Variants in PRADC1 observed in about 807,000 individuals in gnomAD.
The protein encoded by PRADC1 is protease associated domain containing 1, also known as protease-associated domain-containing protein 1.
In PRADC1, 23 loss-of-function variants were observed where a neutral mutation model predicts 22.9. The observed-to-expected ratio is 1.00, with a 90% CI of 0.72 to 1.42. The LOEUF (loss-of-function observed/expected upper bound fraction) is 1.42, where lower values mean the gene tolerates loss of function less well. PRADC1 is among the 40% of genes most tolerant of loss of function. The pLI is 0.00. For synonymous variants in PRADC1, 71 were observed against 100.3 expected, an observed-to-expected ratio of 0.71 and a Z score of 1.75; for missense variants, 207 against 258.3, an observed-to-expected ratio of 0.80 and a Z score of 1.36.
chr2:73,229,603 G>C, intron 2 of PRADC1, 33 bp from the exon 3 acceptor site: 1 of 1,533,402 alleles, frequency 6.5e-7, no homozygotes, highest in Non-Finnish European at 9.0e-7. Context: ...ACAGGTGAGA[G>C]TGTAATGAGA....
chr2:73,230,005 T>G, intron 2 of PRADC1, 108 bp downstream of exon 2: 2 of 770,640 alleles, frequency 2.6e-6, no homozygotes, highest in Non-Finnish European at 4.5e-6. Flanking sequence ...GAGCTGATTC[T>G]GCTCCCTTCC....
rs1431670117 is a variant in PRADC1 at position 73,228,463 on chromosome 2, G to A, written c.558C>T (p.Thr186=). 1 of 1,614,110 alleles carries A rather than the reference G, an allele frequency of 6.2e-7. No homozygotes were observed. Among genetic ancestry groups the A allele is most frequent in the Non-Finnish European group, 8.5e-7 (1 of 1,180,020 alleles). The change falls in exon 5 of 5, where the codon ACC becomes ACT. Residue 186 remains threonine (T), a synonymous_variant. Transcript: ENST00000258083. The surrounding 1 kb of genome is among the most constrained non-coding windows in gnomAD (Gnocchi z 4.0). ...PTFELLQPPW[T]FW ...TGTGGGACAAACTCTTCTACCAGAA[G>A]GTCCAGGGCGGTTGCAGCAGCTCAA... is the stretch of plus-strand genomic sequence containing the variant.
At chr2:73,233,013 C>A (rs900364460) in intron 1 of PRADC1, 81 bp downstream of exon 1, 2 of 1,478,236 alleles carry the variant, frequency 1.4e-6, no homozygotes, top group East Asian at 5.4e-5. Context: ...CCCAAGGTGA[C>A]CCTTGGCCCC....
intron 1 of PRADC1, 65 bp downstream of exon 1, chr2:73,233,029 C>T: frequency 1.5e-5 from 23 of 1,512,702 alleles, no homozygotes; most frequent in Non-Finnish European, 1.9e-5. Flanking sequence ...GCCCCCAACC[C>T]GAGACGCGCG....
chr2:73,228,567 T>A lies in PRADC1; in HGVS notation c.454A>T (p.Ile152Phe). The change falls in exon 5 of 5, where the codon ATC (isoleucine) becomes TTC (phenylalanine). Residue 152 changes from isoleucine to phenylalanine, a missense_variant. Ile to Phe is a conservative substitution (Grantham distance 21). Coordinates refer to ENST00000258083, the MANE Select transcript of PRADC1 (RefSeq NM_032319.3). The surrounding 1 kb of genome is among the most constrained non-coding windows in gnomAD (Gnocchi z 4.0). ...LFLLGRDGYM[I>F]RRSLEQHGLP... Reference sequence around the variant, plus strand: ...CCATGCTGTTCCAGAGAGCGGCGGATCATGTAGCTGGGAGGGCATGAAGAG... The same window carrying A: ...CCATGCTGTTCCAGAGAGCGGCGGAACATGTAGCTGGGAGGGCATGAAGAG... 1 of 1,614,066 alleles carries A rather than the reference T, an allele frequency of 6.2e-7. No homozygotes were observed. Among genetic ancestry groups the A allele is most frequent in the Non-Finnish European group, 8.5e-7 (1 of 1,180,034 alleles).
chr2:73,229,714 A>AT (rs1400309672), intron 2 of PRADC1, 144 bp from the exon 3 acceptor site: 2 of 663,514 alleles, frequency 3.0e-6, no homozygotes, highest in Non-Finnish European at 5.3e-6. Context: ...ACACTTAAAC[A>AT]TTTTTACTTA....
chr2:73,230,867 C>T (rs1469889274), intron 1 of PRADC1, among the ~76,000 whole-genome samples: 6 of 152,232 alleles, frequency 3.9e-5, no homozygotes, highest in African/African-American at 1.2e-4. Context: ...CTACACTGGC[C>T]TTTCAGTGTC....
At position 73,233,164 on chromosome 2, in the gene PRADC1, C is replaced by T; in HGVS notation, c.-4G>A. ...AGCCCGCGGCGCCGGGGACCATCTC[C>T]AGGGCCGGGCCCGGCCCGGCGCCGC... On this transcript the variant is annotated 5_prime_UTR_variant, in exon 1 of 5. Transcript: ENST00000258083. 7.5e-7 allele frequency: 1 copy of T among 1,337,306 alleles called. No individual in the cohort carries two copies. The highest frequency in any genetic ancestry group is 9.4e-7 in the Non-Finnish European group (1 of 1,063,518). The allele number at this position is 1,337,306 out of a possible 1,614,324, so 82.8% of individuals were successfully genotyped here.
intron 1 of PRADC1, 31 bp downstream of exon 1, chr2:73,233,063 C>A: frequency 6.5e-7 from 1 of 1,528,750 alleles, no homozygotes; most frequent in Non-Finnish European, 8.7e-7. Context: ...CAGCCCCGCC[C>A]TGCAACGCAG....
chr2:73,229,696 A>G (rs750070920), intron 2 of PRADC1, 126 bp from the exon 3 acceptor site: 31 of 720,012 alleles, frequency 4.3e-5, no homozygotes, highest in Non-Finnish European at 6.5e-5. Context: ...TGGTTTCTGT[A>G]TCGCCAGACA....
chr2:73,230,616 A>G (rs1030057125), intron 1 of PRADC1, among the ~76,000 whole-genome samples: 5 of 152,264 alleles, frequency 3.3e-5, no homozygotes, highest in South Asian at 4.1e-4. Flanking sequence ...AGTCACTATC[A>G]TCTCTTGTCC....
intron 1 of PRADC1, 59 bp downstream of exon 1, chr2:73,233,035 G>A: frequency 7.3e-6 from 11 of 1,515,704 alleles, no homozygotes; most frequent in Non-Finnish European, 9.7e-6. Flanking sequence ...AACCCGAGAC[G>A]CGCGCAAGCT....
At chr2:73,231,182 C>T (rs1226899021) in intron 1 of PRADC1, among the ~76,000 whole-genome samples, 5 of 152,158 alleles carry the variant, frequency 3.3e-5, no homozygotes, top group African/African-American at 9.7e-5. Context: ...TGCAGTGTTG[C>T]GATCTAGGCT....
Position 73,228,293 on chromosome 2 carries a change from G to A in PRADC1, c.*161C>T. The A allele has an allele frequency of 1.2e-6, 1 of 841,452 alleles. No homozygotes were observed. The highest frequency in any genetic ancestry group is 1.9e-6 in the Non-Finnish European group (1 of 539,160). The allele number at this position is 841,452 out of a possible 1,614,324, so 52.1% of individuals were successfully genotyped here. A position where few individuals can be genotyped will look rare whatever the true frequency, so the allele number is the denominator to read the frequency against. ...GGGGGCCCTGGGGAAGGGAAGGCCA[G>A]TGGTGTGGCTTCCCTTTCAGCCTAG... On this transcript the variant is annotated 3_prime_UTR_variant, in exon 5 of 5. Coordinates refer to ENST00000258083, the MANE Select transcript of PRADC1 (RefSeq NM_032319.3). This position sits in a 1 kb window ranked among gnomAD's most constrained non-coding sequence, Gnocchi z 4.0.
At chr2:73,232,291 C>A (rs376331019) in intron 1 of PRADC1, among the ~76,000 whole-genome samples, 165 of 150,388 alleles carry the variant, frequency 1.1e-3, no homozygotes, top group African/African-American at 3.9e-3. Flanking sequence ...GAGCCGAGAT[C>A]GGGCCACTGC....
chr2:73,228,811 G>T lies in PRADC1; in HGVS notation c.430C>A (p.Leu144Met). The T allele has an allele frequency of 6.2e-7, 1 of 1,612,178 alleles. No individual in the cohort carries two copies. Residue 144 changes from leucine to methionine, a missense_variant, in exon 4 of 5, where the codon CTG becomes ATG. Leu to Met is a conservative substitution (Grantham distance 15). Coordinates refer to ENST00000258083, the MANE Select transcript of PRADC1 (RefSeq NM_032319.3). This position sits in a 1 kb window ranked among gnomAD's most constrained non-coding sequence, Gnocchi z 4.0. ...AGCCCTCACCCGTCTCGGCCGAGCA[G>T]GAAGAGGGCGGGGATGTCAGCTGTG... The part of the protein sequence containing the change: ...QRTADIPALF[L>M]LGRDGYMIRR...
chr2:73,229,847 A>G (rs113490115), intron 2 of PRADC1: 177 of 586,094 alleles, frequency 3.0e-4, no homozygotes, highest in African/African-American at 2.9e-3. Context: ...GTTCACAGGT[A>G]GAGCTGGCAG....
intron 2 of PRADC1, 75 bp downstream of exon 2, chr2:73,230,038 T>G: frequency 2.0e-6 from 2 of 1,017,842 alleles, no homozygotes; most frequent in African/African-American, 1.6e-5. Flanking sequence ...TCAGGTGGGA[T>G]GAGAGGGTCA....
chr2:73,228,919 C>T lies in PRADC1; in HGVS notation c.322G>A (p.Gly108Ser), dbSNP rs779295501. Residue 108 changes from glycine to serine, a missense_variant, in exon 4 of 5, where the codon GGC becomes AGC. Transcript: ENST00000258083. This position sits in a 1 kb window ranked among gnomAD's most constrained non-coding sequence, Gnocchi z 4.0. Reference sequence around the variant, plus strand: ...TCAGAGATGATCACCGCCCGCCCGCCGTGCTCCTGGACCACCCGAGTCTTG... The same window carrying T: ...TCAGAGATGATCACCGCCCGCCCGCTGTGCTCCTGGACCACCCGAGTCTTG... ...LSKTRVVQEH[G>S]GRAVIISDNA... The T allele has an allele frequency of 1.1e-5, 18 of 1,613,838 alleles. No individual in the cohort carries two copies. Among genetic ancestry groups the T allele is most frequent in the Middle Eastern group, 1.7e-4 (1 of 6,050 alleles).
Sources: allele counts gnomAD v4.1 joint callset (sites outside exome capture counted in the v4.1 genomes callset), GRCh38; gene constraint gnomAD v4.1.1; non-coding constraint Gnocchi (gnomAD v3.1); transcripts MANE v1.5; gene names NCBI Gene and HGNC (gene_info 2026-07-23, HGNC 2026-07-21).